The following SVEP1 variants were observed in gnomAD, a reference collection of about 807,000 sequenced individuals.
SVEP1 encodes the protein sushi, von Willebrand factor type A, EGF and pentraxin domain containing 1, also known as sushi, von Willebrand factor type A, EGF and pentraxin domain-containing protein 1.
Under a neutral mutation model 367.3 loss-of-function variants are expected in SVEP1, and 164 were observed. The ratio of observed to expected loss-of-function variants is 0.45; its 90% CI spans 0.39 to 0.51. The LOEUF is 0.51. Ranked by LOEUF, SVEP1 falls within the 20% of genes least tolerant of loss-of-function variation. The probability of loss-of-function intolerance (pLI) is 0.00; values close to 1 mark genes in which losing one functional copy is unlikely to be tolerated. For synonymous variants in SVEP1, 1,666 were observed against 1,611.6 expected (o/e 1.03, Z -0.81); for missense variants, 4,117 against 4,425.3 (o/e 0.93, Z 1.98).
At chr9:110,409,220 GAGGTT>G (rs1828007090) in intron 37 of SVEP1, among the ~76,000 whole-genome samples, 1 of 152,154 alleles carries the variant, frequency 6.6e-6, no homozygotes, top group Non-Finnish European at 1.5e-5. Context: ...AGGAACACTT[GAGGTT>G]AGGAGTTCGA....
intron 29 of SVEP1, 29 bp downstream of exon 29, chr9:110,435,212 T>C: frequency 6.2e-7 from 1 of 1,609,146 alleles, no homozygotes; most frequent in Non-Finnish European, 8.5e-7. Context: ...CAAGAGATAG[T>C]GGAGTCTATG....
intron 36 of SVEP1, among the ~76,000 whole-genome samples, chr9:110,424,806 C>T (rs2118536263): frequency 6.6e-6 from 1 of 152,278 alleles, no homozygotes; most frequent in South Asian, 2.1e-4. Context: ...TCCCGAGTAG[C>T]TGGGATTATA....
At position 110,570,970 on chromosome 9, in the gene SVEP1, CTTTTTTTT is replaced by C. The variant is rs374900472; in HGVS notation, c.531+8035_531+8042del. Among the ~76,000 whole-genome samples the C allele has an allele frequency of 1.5e-4, 17 of 114,922 alleles. No homozygotes were observed. The South Asian group carries it at 2.3e-3, about 16-fold the overall frequency. 75.4% of individuals were successfully genotyped at this position (114,922 alleles called of 152,430 possible). ...AGACATATACTCTTCCAGATGGCTC[CTTTTTTTT>C]TTTTTTTTTTTTTTTTTGAGACAGG... On this transcript the variant is annotated intron_variant, in intron 1 of 47. Coordinates refer to ENST00000374469, the MANE Select transcript of SVEP1 (RefSeq NM_153366.4).
chr9:110,475,986 A>C (rs1260446945), intron 14 of SVEP1: 3 of 418,030 alleles, frequency 7.2e-6, no homozygotes, highest in Non-Finnish European at 8.4e-6. Context: ...TGTCATTTTT[A>C]AGAATCCTGG....
chr9:110,412,864 T>C (rs1828064216), intron 36 of SVEP1, among the ~76,000 whole-genome samples: 1 of 152,104 alleles, frequency 6.6e-6, no homozygotes. Flanking sequence ...GCAGTTAGAA[T>C]GGCAATCATT....
At chr9:110,403,307 T>TG (rs2118997381) in intron 39 of SVEP1, among the ~76,000 whole-genome samples, 2 of 130,044 alleles carry the variant, frequency 1.5e-5, no homozygotes, top group South Asian at 5.9e-4. Flanking sequence ...TTTTTTTTTT[T>TG]TTTTTTTTTT....
chr9:110,564,694 C>T (rs895917013), intron 1 of SVEP1, among the ~76,000 whole-genome samples: 2 of 151,912 alleles, frequency 1.3e-5, no homozygotes, highest in African/African-American at 2.4e-5. Flanking sequence ...CATATGACCA[C>T]ATAAATAAAC....
In SVEP1 at chr9:110,377,358, G is replaced by A. The variant is rs1827364739; in HGVS notation, c.10417C>T (p.Arg3473Ter). The A allele has an allele frequency of 6.2e-7, 1 of 1,613,624 alleles. No homozygotes were observed. Among genetic ancestry groups the A allele is most frequent in the South Asian group, 1.1e-5 (1 of 91,040 alleles). ...TSPPICRAVC[R>*]FPCQNGGICQ... ...ATGCCCCCATTCTGACATGGAAATC[G>A]ACAGACAGCTGGAAAAGAAGCAGGA... Residue 3473 changes from arginine (R) to a stop codon, truncating the protein, a stop_gained, in exon 45 of 48, where the codon CGA becomes TGA. Coordinates refer to ENST00000374469, the MANE Select transcript of SVEP1 (RefSeq NM_153366.4). LOFTEE classifies it high-confidence loss of function.
rs1312953098 is a variant in SVEP1 at position 110,383,113 on chromosome 9, G to C, written c.10237+2785C>G. On this transcript the variant is annotated intron_variant, in intron 43 of 47. Transcript: ENST00000374469. ...TCTGTGCTTTTCCTGGAGAAGTGTT[G>C]CAATCATTTGGATGAGAAGAGGAAC... Among the ~76,000 whole-genome samples the C allele has an allele frequency of 2.0e-5, 3 of 152,154 alleles. No individual in the cohort carries two copies. The East Asian group carries it at 5.8e-4, about 29-fold the overall frequency.
intron 43 of SVEP1, among the ~76,000 whole-genome samples, chr9:110,383,651 G>T (rs535759778): frequency 1.3e-5 from 2 of 152,352 alleles, no homozygotes; most frequent in Non-Finnish European, 2.9e-5. Flanking sequence ...AAACTGTGCT[G>T]TGGGGAATCC....
chr9:110,450,892 T>C (rs368383469), intron 23 of SVEP1, among the ~76,000 whole-genome samples: 2 of 152,332 alleles, frequency 1.3e-5, no homozygotes, highest in South Asian at 4.1e-4. Flanking sequence ...TGCCTGTTTC[T>C]TTGATCTTGC....
intron 3 of SVEP1, among the ~76,000 whole-genome samples, chr9:110,520,680 T>C (rs1293851221): frequency 6.6e-6 from 1 of 152,222 alleles, no homozygotes; most frequent in Admixed American, 6.5e-5. Flanking sequence ...TATCAATTCC[T>C]TAGATGACTA....
At chr9:110,491,476 T>G (rs1829365062) in intron 8 of SVEP1, among the ~76,000 whole-genome samples, 1 of 152,066 alleles carries the variant, frequency 6.6e-6, no homozygotes, top group Non-Finnish European at 1.5e-5. Context: ...TACCCTTCTT[T>G]TTAAATAGAA....
At chr9:110,390,945 C>A (rs980492791) in intron 40 of SVEP1, among the ~76,000 whole-genome samples, 6 of 152,160 alleles carry the variant, frequency 3.9e-5, no homozygotes, top group African/African-American at 1.4e-4. Context: ...AGCCCCACCC[C>A]TTCCATGAAC....
intron 26 of SVEP1, among the ~76,000 whole-genome samples, chr9:110,445,593 T>G (rs747435977): frequency 5.9e-5 from 9 of 152,186 alleles, no homozygotes; most frequent in Non-Finnish European, 2.9e-5. Flanking sequence ...ATTGTGACTA[T>G]CAGATGAAGT....
intron 1 of SVEP1, among the ~76,000 whole-genome samples, chr9:110,571,897 C>T (rs953107921): frequency 3.9e-5 from 6 of 152,288 alleles, no homozygotes; most frequent in African/African-American, 1.4e-4. Flanking sequence ...CATGCTATCT[C>T]CTGATTTTAA....
intron 40 of SVEP1, among the ~76,000 whole-genome samples, chr9:110,397,554 G>C (rs948131749): frequency 5.9e-5 from 9 of 152,150 alleles, no homozygotes; most frequent in African/African-American, 2.2e-4. Flanking sequence ...AAGTCAAATT[G>C]TCCCTGTTTG....
chr9:110,393,601 T>C (rs906532981), intron 40 of SVEP1, among the ~76,000 whole-genome samples: 3 of 152,186 alleles, frequency 2.0e-5, no homozygotes, highest in Admixed American at 6.5e-5. Context: ...GGAATTCCCT[T>C]TCCTAGTCAA....
chr9:110,393,188 T>G (rs1480236590), intron 40 of SVEP1, among the ~76,000 whole-genome samples: 1 of 152,200 alleles, frequency 6.6e-6, no homozygotes, highest in African/African-American at 2.4e-5. Flanking sequence ...CTTAATAAAT[T>G]GCAAGATTAA....
Sources: gnomAD v4.1 joint callset for allele counts (sites outside exome capture counted in the v4.1 genomes callset) on GRCh38, gnomAD v4.1.1 for gene constraint, MANE v1.5 for transcripts, NCBI Gene and HGNC (gene_info 2026-07-23, HGNC 2026-07-21) for gene names.